XKR4: variants seen among roughly 807,000 people sequenced by gnomAD.
XKR4 encodes XK-related protein 4.
Under a neutral mutation model 53.9 loss-of-function variants are expected in XKR4, and 12 were observed. The observed-to-expected ratio is 0.22, with a 90% CI of 0.14 to 0.36. The LOEUF is 0.36. Ranked by LOEUF, XKR4 falls within the 10% of genes least tolerant of loss-of-function variation. XKR4 has a pLI of 1.00. For synonymous variants in XKR4, 354 were observed against 362.4 expected (o/e 0.98, Z 0.26); for missense variants, 799 against 859.5 (o/e 0.93, Z 0.88).
chr8:55,335,082 C>T (rs1468964137), intron 1 of XKR4, among the ~76,000 whole-genome samples: 3 of 152,126 alleles, frequency 2.0e-5, no homozygotes, highest in African/African-American at 4.8e-5. Flanking sequence ...CAACATAGGG[C>T]CTGGATTGTA....
intron 2 of XKR4, among the ~76,000 whole-genome samples, chr8:55,475,053 C>T (rs1805957589): frequency 6.6e-6 from 1 of 152,038 alleles, no homozygotes; most frequent in South Asian, 2.1e-4. Flanking sequence ...AAACAATAAC[C>T]TAAGAACTTA....
chr8:55,195,884 G>A (rs995875471), intron 1 of XKR4, among the ~76,000 whole-genome samples: 5 of 152,094 alleles, frequency 3.3e-5, no homozygotes, highest in Non-Finnish European at 5.9e-5. Context: ...CTCAGGCCAC[G>A]CCCCAAACCT....
chr8:55,269,706 G>C (rs1401578456), intron 1 of XKR4, among the ~76,000 whole-genome samples: 3 of 152,186 alleles, frequency 2.0e-5, no homozygotes, highest in African/African-American at 7.2e-5. Context: ...GCTACCATTA[G>C]TCTTTAAGAA....
chr8:55,327,180 T>C (rs1803306514), intron 1 of XKR4, among the ~76,000 whole-genome samples: 1 of 152,176 alleles, frequency 6.6e-6, no homozygotes, highest in African/African-American at 2.4e-5. Flanking sequence ...AATCATTAGC[T>C]TCATAATCAT....
rs1420684606 is a variant in XKR4, at chr8:55,180,539, T to G, written c.806+77245T>G. On this transcript the variant is annotated intron_variant, in intron 1 of 2. Transcript: ENST00000327381. ...ATATTCATACAAAAATACGTATTCT[T>G]TTTTTTTCTTTGAGACGAAGTCTCA... Among the ~76,000 whole-genome samples, 3 of 152,090 alleles carry G rather than the reference T, an allele frequency of 2.0e-5. No homozygotes were observed. In the East Asian group the frequency reaches 5.8e-4, roughly 29 times the overall value.
intron 2 of XKR4, among the ~76,000 whole-genome samples, chr8:55,407,915 A>T (rs1804711087): frequency 6.6e-6 from 1 of 152,254 alleles, no homozygotes; most frequent in South Asian, 2.1e-4. Flanking sequence ...GGCCTTAAAG[A>T]GACCATGAAA....
At chr8:55,400,997 C>T (rs1804592417) in intron 2 of XKR4, among the ~76,000 whole-genome samples, 1 of 152,220 alleles carries the variant, frequency 6.6e-6, no homozygotes, top group Admixed American at 6.5e-5. Context: ...ACACCTAGCA[C>T]TTGACTCATA....
intron 2 of XKR4, among the ~76,000 whole-genome samples, chr8:55,370,066 A>G (rs915450958): frequency 6.6e-6 from 1 of 152,190 alleles, no homozygotes; most frequent in Non-Finnish European, 1.5e-5. Flanking sequence ...ATCTGTAGGA[A>G]AAACAACAAC....
At chr8:55,294,177 TTC>T (rs1419206413) in intron 1 of XKR4, among the ~76,000 whole-genome samples, 1 of 152,204 alleles carries the variant, frequency 6.6e-6, no homozygotes, top group Non-Finnish European at 1.5e-5. Flanking sequence ...ATTTGTTCAT[TTC>T]TGTTAGTTTG....
chr8:55,450,574 G>T, intron 2 of XKR4: 1 of 724,734 alleles, frequency 1.4e-6, no homozygotes, highest in South Asian at 1.4e-5. Context: ...CGAGGAACTT[G>T]AGATAGAACT....
Position 55,266,206 on chromosome 8 carries a change from C to T in XKR4, c.807-91472C>T, listed in dbSNP as rs181280459. Among the ~76,000 whole-genome samples the T allele has an allele frequency of 1.4e-3, 208 of 151,410 alleles. 4 individuals carry two copies. Among genetic ancestry groups the T allele is most frequent in the Middle Eastern group, 0.01 (3 of 294 alleles). On this transcript the variant is annotated intron_variant, in intron 1 of 2. Transcript: ENST00000327381. ...AGTCTGATGATTCGGTGTGATGGGG[C>T]AACATGGGAGCAGGTATGAGGCAAA... is the stretch of plus-strand genomic sequence containing the variant.
chr8:55,311,829 C>CAAAAAAAAAAAAAAAA (rs57826022), intron 1 of XKR4, among the ~76,000 whole-genome samples: 55 of 98,550 alleles, frequency 5.6e-4, no homozygotes, highest in Middle Eastern at 5.4e-3. Context: ...TGTAATTTAG[C>CAAAAAAAAAAAAAAAA]AAAAAAAAAA....
At chr8:55,339,517 C>T (rs891036995) in intron 1 of XKR4, among the ~76,000 whole-genome samples, 3 of 152,208 alleles carry the variant, frequency 2.0e-5, no homozygotes, top group African/African-American at 7.2e-5. Context: ...ACAGTCATGC[C>T]TCACTTTGAT....
intron 2 of XKR4, among the ~76,000 whole-genome samples, chr8:55,493,347 G>C (rs1765490811): frequency 6.6e-6 from 1 of 152,174 alleles, no homozygotes; most frequent in South Asian, 2.1e-4. Flanking sequence ...TATTTCCTCT[G>C]CAGGCATCTA....
chr8:55,466,034 T>C (rs1805761872), intron 2 of XKR4, among the ~76,000 whole-genome samples: 1 of 152,152 alleles, frequency 6.6e-6, no homozygotes, highest in Non-Finnish European at 1.5e-5. Flanking sequence ...TTTCCACTGT[T>C]GGTGGGACTG....
chr8:55,274,346 G>C (rs1818735697), intron 1 of XKR4, among the ~76,000 whole-genome samples: 1 of 152,104 alleles, frequency 6.6e-6, no homozygotes, highest in African/African-American at 2.4e-5. Context: ...TCTCTCCTTA[G>C]CTTGCAGACA....
intron 2 of XKR4, among the ~76,000 whole-genome samples, chr8:55,464,046 T>C (rs1181324258): frequency 6.6e-6 from 1 of 152,122 alleles, no homozygotes; most frequent in African/African-American, 2.4e-5. Context: ...CTACCAGAGA[T>C]ACAATGAGAA....
intron 1 of XKR4, among the ~76,000 whole-genome samples, chr8:55,152,651 A>G (rs941494497): frequency 2.8e-5 from 4 of 143,370 alleles, no homozygotes; most frequent in African/African-American, 1.1e-4. Flanking sequence ...AAATGAGAAA[A>G]GCTGATAATA....
At chr8:55,454,667 CG>C (rs954846571) in intron 2 of XKR4, 2 of 973,696 alleles carry the variant, frequency 2.1e-6, no homozygotes, top group African/African-American at 3.2e-5. Flanking sequence ...TTCCCAATTA[CG>C]TTCCCTGGGA....
Sources: allele counts gnomAD v4.1 joint callset (sites outside exome capture counted in the v4.1 genomes callset), GRCh38; gene constraint gnomAD v4.1.1; transcripts MANE v1.5; gene names NCBI Gene and HGNC (gene_info 2026-07-23, HGNC 2026-07-21).